Variants in FAM162A observed in about 807,000 individuals in gnomAD.
The protein encoded by FAM162A is family with sequence similarity 162 member A.
A neutral mutation model predicts 21.8 loss-of-function variants in FAM162A; 23 were observed. The ratio of observed to expected loss-of-function variants is 1.05; its 90% CI spans 0.76 to 1.49. The LOEUF is 1.49. Ranked by LOEUF, FAM162A falls within the 40% of genes most tolerant of loss-of-function variation. The pLI is 0.00. For missense variants in FAM162A, 165 were observed against 186.4 expected (o/e 0.89, Z 0.67); for synonymous variants, 53 against 61.3 (o/e 0.86, Z 0.64).
chr3:122,409,846 T>C lies in FAM162A; in HGVS notation c.*15T>C, dbSNP rs1303350442. 2 of 1,609,318 alleles carry C rather than the reference T, an allele frequency of 1.2e-6. No individual in the cohort carries two copies. The highest frequency in any genetic ancestry group is 1.7e-6 in the Non-Finnish European group (2 of 1,175,624). On this transcript the variant is annotated 3_prime_UTR_variant, in exon 5 of 5. Transcript: ENST00000477892. ...AAACAGAGTAGCAGAGGTATCCGTG[T>C]TGGCTGGATTTTGAAAATCCAGGAA...
At chr3:122,396,891 A>G (rs1441673756) in intron 1 of FAM162A, among the ~76,000 whole-genome samples, 2 of 152,166 alleles carry the variant, frequency 1.3e-5, no homozygotes, top group Non-Finnish European at 2.9e-5. Context: ...GTATGATTCC[A>G]TTTATATAAA....
At position 122,410,111 on chromosome 3, in the gene FAM162A, CAT is replaced by C. The variant is rs2075697800; in HGVS notation, c.*283_*284del. ...ACCAACTCTTCAGAGAAGCAGGTAC[CAT>C]ATCTTACTTCTCTTCCCATTATCAA... On this transcript the variant is annotated 3_prime_UTR_variant, in exon 5 of 5. Transcript: ENST00000477892. 2.5e-6 allele frequency: 1 copy of C among 407,070 alleles called. No individual in the cohort carries two copies. Among genetic ancestry groups the C allele is most frequent in the Admixed American group, 3.6e-5 (1 of 28,052 alleles). The allele number at this position is 407,070 out of a possible 1,614,324, so 25.2% of individuals were successfully genotyped here. A position where few individuals can be genotyped will look rare whatever the true frequency, so the allele number is the denominator to read the frequency against.
chr3:122,389,090 CT>C (rs1248551913), intron 1 of FAM162A, among the ~76,000 whole-genome samples: 6 of 151,870 alleles, frequency 4.0e-5, no homozygotes, highest in Non-Finnish European at 7.4e-5. Context: ...AAAGAGGTCA[CT>C]AATGTTGGTA....
chr3:122,391,602 T>C (rs1456361529), intron 1 of FAM162A, among the ~76,000 whole-genome samples: 1 of 152,196 alleles, frequency 6.6e-6, no homozygotes, highest in East Asian at 1.9e-4. Context: ...CTGATCTAGG[T>C]GAACCTCTCA....
At chr3:122,405,592 C>T (rs1560002405) in intron 3 of FAM162A, among the ~76,000 whole-genome samples, 1 of 152,134 alleles carries the variant, frequency 6.6e-6, no homozygotes, top group Non-Finnish European at 1.5e-5. Flanking sequence ...TTAACAGATG[C>T]TGTATAGGCT....
At chr3:122,404,464 A>G (rs2075668302) in intron 3 of FAM162A, 101 bp downstream of exon 3, 1 of 533,882 alleles carries the variant, frequency 1.9e-6, no homozygotes, top group Admixed American at 3.9e-5. Flanking sequence ...TTTCAACCAA[A>G]TTTGAAAACA....
At chr3:122,391,491 T>G (rs1451179267) in intron 1 of FAM162A, among the ~76,000 whole-genome samples, 1 of 152,246 alleles carries the variant, frequency 6.6e-6, no homozygotes, top group Non-Finnish European at 1.5e-5. Context: ...TATAATAAGA[T>G]AATATGTGTG....
intron 1 of FAM162A, among the ~76,000 whole-genome samples, chr3:122,400,878 T>C (rs938572348): frequency 2.6e-5 from 4 of 152,108 alleles, no homozygotes; most frequent in Admixed American, 1.3e-4. Flanking sequence ...GAGATGTTCA[T>C]TGGGGAGAAA....
rs2075653108 is a variant in FAM162A at position 122,401,427 on chromosome 3, A to G, written c.35-1333A>G. On this transcript the variant is annotated intron_variant, in intron 1 of 4. Transcript: ENST00000477892. Reference sequence around the variant, plus strand: ...GAACATAAGTGAGATTTTATGGGTGACAGGGAGAGAGATCAGGCTTGACTT... The same window carrying G: ...GAACATAAGTGAGATTTTATGGGTGGCAGGGAGAGAGATCAGGCTTGACTT... 2.7e-6 allele frequency: 3 copies of G among 1,095,670 alleles called. No individual in the cohort carries two copies. In the South Asian group the frequency reaches 7.0e-5, roughly 25 times the overall value. 67.9% of individuals were successfully genotyped at this position (1,095,670 alleles called of 1,614,324 possible). A position where few individuals can be genotyped will look rare whatever the true frequency, so the allele number is the denominator to read the frequency against.
chr3:122,397,520 C>G (rs566403898), intron 1 of FAM162A, among the ~76,000 whole-genome samples: 1 of 152,310 alleles, frequency 6.6e-6, no homozygotes, highest in East Asian at 1.9e-4. Flanking sequence ...AGATTTATCT[C>G]TGGTGCCTTT....
At chr3:122,404,186 C>T in intron 2 of FAM162A, 72 bp from the exon 3 acceptor site, 1 of 623,430 alleles carries the variant, frequency 1.6e-6, no homozygotes, top group Non-Finnish European at 2.7e-6. Flanking sequence ...GCACTAATAC[C>T]ATTTTTCTGT....
intron 1 of FAM162A, among the ~76,000 whole-genome samples, chr3:122,388,611 A>G (rs1418844022): frequency 6.6e-6 from 1 of 152,206 alleles, no homozygotes; most frequent in Non-Finnish European, 1.5e-5. Flanking sequence ...AAGATTGGTC[A>G]TAGAGGTTGG....
chr3:122,401,487 C>T (rs1411415194), intron 1 of FAM162A: 7 of 1,250,840 alleles, frequency 5.6e-6, no homozygotes, highest in Admixed American at 5.3e-5. Flanking sequence ...GCTATCTCTT[C>T]GCAAAGATTT....
rs548430826 is a variant in FAM162A at position 122,384,933 on chromosome 3, T to A, written c.34+634T>A. Among the ~76,000 whole-genome samples the A allele has an allele frequency of 9.2e-5, 14 of 152,352 alleles. No homozygotes were observed. In the South Asian group the frequency reaches 2.5e-3, roughly 27 times the overall value. On this transcript the variant is annotated intron_variant, in intron 1 of 4. Transcript: ENST00000477892. ...TTTGTTTTGGTGGTAGACATTTGTG[T>A]GATGACTATTTTGGACTTAGGTAAT...
At chr3:122,399,577 C>T (rs1250715839) in intron 1 of FAM162A, among the ~76,000 whole-genome samples, 2 of 152,144 alleles carry the variant, frequency 1.3e-5, no homozygotes, top group East Asian at 3.9e-4. Context: ...GTGAATAGTG[C>T]TGCAGTGAAC....
rs1331228454 is a variant in FAM162A, at chr3:122,409,915, A to T, written c.*84A>T. The T allele has an allele frequency of 5.2e-6, 6 of 1,156,364 alleles. No homozygotes were observed. Among genetic ancestry groups the T allele is most frequent in the Non-Finnish European group, 7.8e-6 (6 of 771,946 alleles). 71.6% of individuals were successfully genotyped at this position (1,156,364 alleles called of 1,614,324 possible). On this transcript the variant is annotated 3_prime_UTR_variant, in exon 5 of 5. Coordinates refer to ENST00000477892, the MANE Select transcript of FAM162A (RefSeq NM_014367.4). Reference sequence around the variant, plus strand: ...GTATTAAAAAGGATGTGGTATGAGGATCCATTTCATAAAGTATGATTTGCC... The same window carrying T: ...GTATTAAAAAGGATGTGGTATGAGGTTCCATTTCATAAAGTATGATTTGCC...
At chr3:122,387,152 A>T (rs921685706) in intron 1 of FAM162A, among the ~76,000 whole-genome samples, 2 of 152,242 alleles carry the variant, frequency 1.3e-5, no homozygotes, top group African/African-American at 4.8e-5. Context: ...TGCAAATGTA[A>T]GGTGAGTTTT....
At chr3:122,401,460 C>T (rs2075653296) in intron 1 of FAM162A, 11 of 1,196,680 alleles carry the variant, frequency 9.2e-6, no homozygotes, top group Admixed American at 3.2e-5. Flanking sequence ...CTTGAGAGCA[C>T]GTGGGAAAAG....
intron 1 of FAM162A, among the ~76,000 whole-genome samples, chr3:122,384,958 T>A (rs1305478554): frequency 6.6e-6 from 1 of 152,208 alleles, no homozygotes; most frequent in East Asian, 1.9e-4. Context: ...ACTTAGGTAA[T>A]GAAAGCTTAA....
Sources: gnomAD v4.1 joint callset for allele counts (sites outside exome capture counted in the v4.1 genomes callset) on GRCh38, gnomAD v4.1.1 for gene constraint, MANE v1.5 for transcripts, NCBI Gene and HGNC (gene_info 2026-07-23, HGNC 2026-07-21) for gene names.